C3orf20: variants seen among roughly 807,000 people sequenced by gnomAD.
C3orf20 encodes family with sequence similarity 149 member C, also known as uncharacterized protein C3orf20.
Under a neutral mutation model 88.3 loss-of-function variants are expected in C3orf20, and 76 were observed. The ratio of observed to expected loss-of-function variants is 0.86; its 90% confidence interval spans 0.72 to 1.04. The LOEUF is 1.04. Ranked by LOEUF, C3orf20 falls within the 50% of genes least tolerant of loss-of-function variation. The pLI, the probability that C3orf20 is intolerant of heterozygous loss-of-function variation, is 0.00. For synonymous variants in C3orf20, 436 were observed against 437.4 expected (o/e 1.00, Z 0.04); for missense variants, 1,056 against 1,123.3 (o/e 0.94, Z 0.86).
At position 14,694,913 on chromosome 3, in the gene C3orf20, C is replaced by T. The variant is rs2032922947; in HGVS notation, c.745+4797C>T. ...TCAAGCAATTCTCCTGCCTCAGCCTCCCGAGTAGCTGGGATTACAGACATG... is the reference window on the plus strand; with the variant it reads ...TCAAGCAATTCTCCTGCCTCAGCCTTCCGAGTAGCTGGGATTACAGACATG... On this transcript the variant is annotated intron_variant, in intron 5 of 16. Coordinates refer to ENST00000253697, the MANE Select transcript of C3orf20 (RefSeq NM_032137.5). 3.3e-5 allele frequency among the ~76,000 whole-genome samples: 5 copies of T among 152,204 alleles called. No homozygotes were observed. In the South Asian group the frequency reaches 1.0e-3, roughly 32 times the overall value.
At chr3:14,729,205 T>C (rs1347605563) in intron 12 of C3orf20, among the ~76,000 whole-genome samples, 1 of 152,132 alleles carries the variant, frequency 6.6e-6, no homozygotes, top group African/African-American at 2.4e-5. Flanking sequence ...GCATCTGTGA[T>C]AGAGAGTGGC....
chr3:14,685,278 A>G (rs766125181), intron 4 of C3orf20, among the ~76,000 whole-genome samples: 3 of 152,208 alleles, frequency 2.0e-5, no homozygotes, highest in African/African-American at 7.2e-5. Context: ...AAGTAGTAAT[A>G]TATCATTTAT....
At chr3:14,724,646 C>G (rs1458996744) in intron 10 of C3orf20, among the ~76,000 whole-genome samples, 1 of 152,172 alleles carries the variant, frequency 6.6e-6, no homozygotes, top group East Asian at 1.9e-4. Flanking sequence ...TGTAAAATTT[C>G]TCATTAATAA....
At position 14,685,027 on chromosome 3, in the gene C3orf20, T is replaced by C. The variant is rs145390673; in HGVS notation, c.625+645T>C. Reference sequence around the variant, plus strand: ...AGTGAGACTGTCTTTAAATTAAAAATAAAAAAAGAAATGTTTATTGCAGAA... The same window carrying C: ...AGTGAGACTGTCTTTAAATTAAAAACAAAAAAAGAAATGTTTATTGCAGAA... On this transcript the variant is annotated intron_variant, in intron 4 of 16. Transcript: ENST00000253697. 6.0e-3 allele frequency among the ~76,000 whole-genome samples: 915 copies of C among 152,084 alleles called. 2 individuals carry two copies. The highest frequency in any genetic ancestry group is 0.027 in the Middle Eastern group (8 of 294).
chr3:14,681,814 T>G (rs1051897467), intron 1 of C3orf20, among the ~76,000 whole-genome samples: 1 of 152,258 alleles, frequency 6.6e-6, no homozygotes, highest in Admixed American at 6.5e-5. Flanking sequence ...GCCATTTTTT[T>G]GCTTATTAAA....
intron 5 of C3orf20, among the ~76,000 whole-genome samples, chr3:14,698,008 G>A (rs2033083965): frequency 6.6e-6 from 1 of 152,144 alleles, no homozygotes; most frequent in South Asian, 2.1e-4. Flanking sequence ...GAATAGTGCT[G>A]CAATGAACAT....
chr3:14,772,338 A>C lies in C3orf20; in HGVS notation c.2630+137A>C. The C allele has an allele frequency of 9.2e-7, 1 of 1,088,238 alleles. No homozygotes were observed. Among genetic ancestry groups the C allele is most frequent in the Non-Finnish European group, 1.3e-6 (1 of 750,708 alleles). The allele number at this position is 1,088,238 out of a possible 1,614,324, so 67.4% of individuals were successfully genotyped here. Reference sequence around the variant, plus strand: ...CCATCGCTGACATCTAGCCCATGTAATCAACACAATATTGGGCGGGCATGC... The same window carrying C: ...CCATCGCTGACATCTAGCCCATGTACTCAACACAATATTGGGCGGGCATGC... On this transcript the variant is annotated intron_variant, in intron 16 of 16. Transcript: ENST00000253697. The surrounding 1 kb of genome is among the most constrained non-coding windows in gnomAD (Gnocchi z 4.2).
intron 12 of C3orf20, among the ~76,000 whole-genome samples, chr3:14,732,303 T>G (rs1225577668): frequency 6.6e-6 from 1 of 152,244 alleles, no homozygotes; most frequent in Admixed American, 6.5e-5. Context: ...TGGTGAAGTA[T>G]CCAAGTCTTT....
chr3:14,771,972 T>C (rs1449776771), intron 15 of C3orf20, 95 bp from the exon 16 acceptor site: 2 of 1,486,232 alleles, frequency 1.3e-6, no homozygotes, highest in East Asian at 2.3e-5. Context: ...GAAGCACTTG[T>C]GTCCTTGTCT....
At chr3:14,687,480 T>A (rs74936377) in intron 4 of C3orf20, among the ~76,000 whole-genome samples, 1,598 of 152,302 alleles carry the variant, frequency 0.01, 24 homozygotes, top group Non-Finnish European at 0.014. Flanking sequence ...CCTCTAGTTG[T>A]GCTGTAATTA....
rs141837445 is a variant in C3orf20, at chr3:14,696,371, CATTATT to C, written c.745+6286_745+6291del. Reference sequence around the variant, plus strand: ...ATATCTTGAAAAGTTGTTGTGCTATCATTATTATTATTATTATTATTATTATTATTA... The same window carrying C: ...ATATCTTGAAAAGTTGTTGTGCTATCATTATTATTATTATTATTATTATTA... On this transcript the variant is annotated intron_variant, in intron 5 of 16. Coordinates refer to ENST00000253697, the MANE Select transcript of C3orf20 (RefSeq NM_032137.5). Among the ~76,000 whole-genome samples the C allele has an allele frequency of 2.6e-3, 373 of 142,040 alleles. 1 individual carries two copies. Among genetic ancestry groups the C allele is most frequent in the African/African-American group, 6.7e-3 (260 of 38,822 alleles). The allele number at this position is 142,040 out of a possible 152,430, so 93.2% of individuals were successfully genotyped here. A position where few individuals can be genotyped will look rare whatever the true frequency, so the allele number is the denominator to read the frequency against.
At chr3:14,690,189 C>T (rs1006353511) in intron 5 of C3orf20, 73 bp downstream of exon 5, 28 of 1,600,020 alleles carry the variant, frequency 1.7e-5, no homozygotes, top group Non-Finnish European at 2.3e-5. Context: ...TCCGTCTACC[C>T]TGTGTAGGTT....
chr3:14,677,663 G>T (rs768339300), intron 1 of C3orf20, among the ~76,000 whole-genome samples: 1 of 152,058 alleles, frequency 6.6e-6, no homozygotes, highest in Non-Finnish European at 1.5e-5. Flanking sequence ...AGCACACCTG[G>T]CTACTTTTTG....
In C3orf20 at chr3:14,759,978, G is replaced by A. The variant is rs542535243; in HGVS notation, c.2332G>A (p.Val778Met). The A allele has an allele frequency of 2.2e-5, 35 of 1,614,036 alleles. No homozygotes were observed. In the South Asian group the frequency reaches 3.7e-4, roughly 17 times the overall value. The change falls in exon 14 of 17, where the codon GTG becomes ATG. Residue 778 changes from valine to methionine, a missense_variant. Coordinates refer to ENST00000253697, the MANE Select transcript of C3orf20 (RefSeq NM_032137.5). ...DPPLMVKKNS[V>M]VQGMILMFAG... is the part of the protein sequence containing the mutation. ...TCCCCTGATGGTGAAGAAGAACTCT[G>A]TGGTGCAGGGGATGATTCTGGTGAG...
At chr3:14,751,363 G>A (rs974930229) in intron 12 of C3orf20, among the ~76,000 whole-genome samples, 17 of 152,290 alleles carry the variant, frequency 1.1e-4, no homozygotes, top group African/African-American at 3.6e-4. Flanking sequence ...TCCTCATTGG[G>A]ACTGGTTGGA....
In C3orf20 at chr3:14,703,147, G is replaced by A. The variant is rs150728133; in HGVS notation, c.763G>A (p.Glu255Lys). ...AACTACAGGCAAATCTAGAACTACA[G>A]AAGATGTCAGCATGCCGCCCCTGCA... ...KKKIGKSRTT[E>K]DVSMPPLHRG... Residue 255 changes from glutamate to lysine, a missense_variant, in exon 6 of 17, where the codon GAA becomes AAA. By Grantham distance (56) the Glu-to-Lys change is moderately conservative (BLOSUM62 1). Coordinates refer to ENST00000253697, the MANE Select transcript of C3orf20 (RefSeq NM_032137.5). 6.2e-7 allele frequency: 1 copy of A among 1,614,194 alleles called. No individual in the cohort carries two copies. Among genetic ancestry groups the A allele is most frequent in the East Asian group, 2.2e-5 (1 of 44,884 alleles).
chr3:14,712,190 A>C (rs201399549), intron 7 of C3orf20, among the ~76,000 whole-genome samples: 1 of 130,358 alleles, frequency 7.7e-6, no homozygotes, highest in Non-Finnish European at 1.6e-5. Context: ...GCGCACACAC[A>C]CACACACACA....
At chr3:14,733,666 A>T (rs1377725579) in intron 12 of C3orf20, among the ~76,000 whole-genome samples, 2 of 150,078 alleles carry the variant, frequency 1.3e-5, no homozygotes, top group Admixed American at 6.6e-5. Context: ...TTACCATTTT[A>T]TCTAAATGTT....
chr3:14,756,238 C>T (rs1230582906), intron 12 of C3orf20, among the ~76,000 whole-genome samples: 5 of 151,504 alleles, frequency 3.3e-5, no homozygotes, highest in South Asian at 4.2e-4. Context: ...AGAATCATAG[C>T]AGCACTTTCT....
Sources: gnomAD v4.1 joint callset for allele counts (sites outside exome capture counted in the v4.1 genomes callset) on GRCh38, gnomAD v4.1.1 for gene constraint, Gnocchi (gnomAD v3.1) non-coding constraint, MANE v1.5 for transcripts, NCBI Gene and HGNC (gene_info 2026-07-23, HGNC 2026-07-21) for gene names.